Variants in PGPEP1L observed in about 807,000 individuals in gnomAD.
The protein encoded by PGPEP1L is pyroglutamyl-peptidase 1-like protein.
Under a neutral mutation model 6.0 loss-of-function variants are expected in PGPEP1L, and 7 were observed. The ratio of observed to expected loss-of-function variants is 1.17; its 90% CI spans 0.66 to 2.19. The LOEUF (loss-of-function observed/expected upper bound fraction) is 2.19. Ranked by LOEUF, PGPEP1L falls within the 30% of genes most tolerant of loss-of-function variation. PGPEP1L has a pLI of 0.00. For synonymous variants in PGPEP1L, 103 were observed against 83.9 expected, an observed-to-expected ratio of 1.23 and a Z score of -1.24; for missense variants, 209 against 192.5, an observed-to-expected ratio of 1.09 and a Z score of -0.51.
chr15:99,004,696 G>C (rs192520986), intron 2 of PGPEP1L, among the ~76,000 whole-genome samples: 1 of 152,154 alleles, frequency 6.6e-6, no homozygotes, highest in African/African-American at 2.4e-5. Flanking sequence ...CTAGCCTAGC[G>C]ACAGAACAAG....
Position 98,968,585 on chromosome 15 carries a change from C to T in PGPEP1L, c.322G>A (p.Ala108Thr), listed in dbSNP as rs777162206. ...ATTTCCTGGATGATGACTCTCAAGG[C>T]TCTTCCCAGCAGGCTGGCCGGGAGC... ...RGLPASLLGR[A>T]LRVIIQEMLE... The change falls in exon 5 of 5, where the codon GCC (alanine) becomes ACC (threonine). Residue 108 changes from alanine (A) to threonine (T), a missense_variant. Physicochemically the swap from Ala to Thr is moderately conservative, Grantham distance 58. Transcript: ENST00000535714. 4.3e-6 allele frequency: 7 copies of T among 1,611,740 alleles called. No individual in the cohort carries two copies. In the African/African-American group the frequency reaches 6.7e-5, roughly 15 times the overall value.
In PGPEP1L at chr15:98,987,187, AAAAAAAAAG is replaced by A. The variant is rs1187930362; in HGVS notation, c.-141-16038_-141-16030del. 5.1e-4 allele frequency among the ~76,000 whole-genome samples: 76 copies of A among 150,048 alleles called. 2 individuals carry two copies. The highest frequency in any genetic ancestry group is 1.8e-3 in the African/African-American group (72 of 40,058). On this transcript the variant is annotated intron_variant, in intron 2 of 4. Transcript: ENST00000535714. ...TCTCAAAAAAAAAAAAAAAAAAAAA[AAAAAAAAAG>A]AGAGCCAATTTAATTTTTGATATTC...
At chr15:98,982,854 G>A (rs1173386753) in intron 2 of PGPEP1L, among the ~76,000 whole-genome samples, 2 of 151,792 alleles carry the variant, frequency 1.3e-5, no homozygotes, top group Non-Finnish European at 2.9e-5. Context: ...GGGATTATAG[G>A]CACCAGCCAC....
intron 2 of PGPEP1L, among the ~76,000 whole-genome samples, chr15:98,978,837 C>T (rs1214973320): frequency 6.7e-6 from 1 of 149,422 alleles, no homozygotes; most frequent in African/African-American, 2.5e-5. Context: ...TCAAGCAATT[C>T]TCCTGCCTCA....
At chr15:98,973,768 TAAAC>T (rs2017530214) in intron 2 of PGPEP1L, among the ~76,000 whole-genome samples, 1 of 151,960 alleles carries the variant, frequency 6.6e-6, no homozygotes. Flanking sequence ...AGACTTCAAA[TAAAC>T]AGCCTAATGA....
At chr15:98,996,002 A>C (rs1474996499) in intron 2 of PGPEP1L, among the ~76,000 whole-genome samples, 1 of 152,054 alleles carries the variant, frequency 6.6e-6, no homozygotes, top group Admixed American at 6.5e-5. Flanking sequence ...TAAATTTTTC[A>C]CCTCAACAAC....
At chr15:98,980,120 A>G (rs551603213) in intron 2 of PGPEP1L, among the ~76,000 whole-genome samples, 2 of 152,282 alleles carry the variant, frequency 1.3e-5, no homozygotes, top group African/African-American at 2.4e-5. Flanking sequence ...AAATCTCACA[A>G]ATCACCACTA....
At chr15:99,004,266 G>A (rs2018015950) in intron 2 of PGPEP1L, among the ~76,000 whole-genome samples, 1 of 151,990 alleles carries the variant, frequency 6.6e-6, no homozygotes, top group African/African-American at 2.4e-5. Context: ...ATAAATTGGG[G>A]GGTGTGGTGG....
chr15:98,979,630 ATTCTTTTTTTTTT>A (rs2017627079), intron 2 of PGPEP1L, among the ~76,000 whole-genome samples: 2 of 105,926 alleles, frequency 1.9e-5, no homozygotes, highest in African/African-American at 3.8e-5. Context: ...ATTGGAGACT[ATTCTTTTTTTTTT>A]TTTTTTTTTT....
intron 2 of PGPEP1L, among the ~76,000 whole-genome samples, chr15:98,980,950 A>AAC (rs1250329246): frequency 6.6e-6 from 1 of 150,988 alleles, no homozygotes; most frequent in Non-Finnish European, 1.5e-5. Flanking sequence ...AAAAAAAAAA[A>AAC]AATTAACTGT....
At chr15:98,994,326 T>C (rs1423714141) in intron 2 of PGPEP1L, among the ~76,000 whole-genome samples, 4 of 152,032 alleles carry the variant, frequency 2.6e-5, no homozygotes, top group Non-Finnish European at 5.9e-5. Context: ...TTCATTGTCT[T>C]ACATTTTAGT....
At chr15:98,972,306 T>C (rs1291541924) in intron 2 of PGPEP1L, among the ~76,000 whole-genome samples, 1 of 151,822 alleles carries the variant, frequency 6.6e-6, no homozygotes, top group Non-Finnish European at 1.5e-5. Flanking sequence ...TGAACTGAGA[T>C]CGTGCCATCG....
Position 98,968,500 on chromosome 15 carries a change from A to T in PGPEP1L, c.407T>A (p.Val136Asp), listed in dbSNP as rs1211651849. 3.1e-6 allele frequency: 5 copies of T among 1,613,532 alleles called. No individual in the cohort carries two copies. The highest frequency in any genetic ancestry group is 1.3e-5 in the African/African-American group (1 of 75,038). Residue 136 changes from valine (V) to aspartate (D), a missense_variant, in exon 5 of 5, where the codon GTC (valine) becomes GAC (aspartate). Val to Asp is a radical substitution (Grantham distance 152, BLOSUM62 -3). Transcript: ENST00000535714. Reference sequence around the variant, plus strand: ...CGGTCAGTTCCCTTTGGCTGGAAGGACCATGGTTGAGTTTTCTTCGAACTG... The same window carrying T: ...CGGTCAGTTCCCTTTGGCTGGAAGGTCCATGGTTGAGTTTTCTTCGAACTG... ...RAQFEENSTM[V>D]LPAKGN is the part of the protein sequence containing the mutation.
intron 2 of PGPEP1L, among the ~76,000 whole-genome samples, chr15:99,000,468 G>T (rs1242296336): frequency 1.3e-5 from 2 of 152,246 alleles, no homozygotes; most frequent in Non-Finnish European, 2.9e-5. Context: ...CTGGGCTCCT[G>T]AGTCTGGTGG....
chr15:98,970,711 C>T (rs1954146466), intron 3 of PGPEP1L, among the ~76,000 whole-genome samples: 1 of 152,236 alleles, frequency 6.6e-6, no homozygotes, highest in African/African-American at 2.4e-5. Context: ...ACCTACCTGC[C>T]CCTCATGGGT....
In PGPEP1L at chr15:99,005,518, G is replaced by C. The variant is rs1336545592; in HGVS notation, c.-231C>G. On this transcript the variant is annotated 5_prime_UTR_variant, in exon 2 of 5. Coordinates refer to ENST00000535714, the MANE Select transcript of PGPEP1L (RefSeq NM_001167902.2). ...CCCTGGCTCAGGCAGCGGCCCAGCG[G>C]CCGGGCTCTGCGCGCTCTGAGCTCC... is the stretch of plus-strand genomic sequence containing the variant. 6.6e-6 allele frequency: 1 copy of C among 152,474 alleles called. No individual in the cohort carries two copies. The highest frequency in any genetic ancestry group is 2.4e-5 in the African/African-American group (1 of 41,596). The allele number at this position is 152,474 out of a possible 1,614,324, so 9.4% of individuals were successfully genotyped here.
At chr15:98,985,947 G>T (rs2151760925) in intron 2 of PGPEP1L, among the ~76,000 whole-genome samples, 1 of 152,308 alleles carries the variant, frequency 6.6e-6, no homozygotes. Flanking sequence ...CTTTGCTTGA[G>T]CTTCCTCATT....
intron 2 of PGPEP1L, among the ~76,000 whole-genome samples, chr15:98,985,182 A>G (rs1390680568): frequency 6.6e-6 from 1 of 152,182 alleles, no homozygotes; most frequent in African/African-American, 2.4e-5. Context: ...CATTAGGGTG[A>G]CTATCCTCAC....
At chr15:98,995,632 G>A (rs1268612325) in intron 2 of PGPEP1L, among the ~76,000 whole-genome samples, 1 of 152,180 alleles carries the variant, frequency 6.6e-6, no homozygotes, top group Non-Finnish European at 1.5e-5. Context: ...GGAGGCAGAG[G>A]TTGCAGTGAG....
Sources: gnomAD v4.1 joint callset for allele counts (sites outside exome capture counted in the v4.1 genomes callset) on GRCh38, gnomAD v4.1.1 for gene constraint, MANE v1.5 for transcripts, NCBI Gene and HGNC (gene_info 2026-07-23, HGNC 2026-07-21) for gene names.